ZNF148: variants seen among roughly 807,000 people sequenced by gnomAD.
ZNF148 encodes the protein zinc finger protein 148.
Under a neutral mutation model 67.7 loss-of-function variants are expected in ZNF148, and 7 were observed. The ratio of observed to expected loss-of-function variants is 0.10; its 90% CI spans 0.06 to 0.19. ZNF148 has a LOEUF of 0.19. Among genes scored for constraint, ZNF148 ranks in the 10% least tolerant of loss-of-function variants. The pLI is 1.00. For missense variants in ZNF148, 583 were observed against 947.1 expected (o/e 0.62, Z 5.05); for synonymous variants, 333 against 330.7 (o/e 1.01, Z -0.08).
In ZNF148 at chr3:125,233,249, T is replaced by C; in HGVS notation, c.1477A>G (p.Thr493Ala). 6 of 1,613,898 alleles carry C rather than the reference T, an allele frequency of 3.7e-6. No homozygotes were observed. The highest frequency in any genetic ancestry group is 5.1e-6 in the Non-Finnish European group (6 of 1,179,902). ...GTTACAGAAGGCTGAGAAGCTATGG[T>C]ACCCACATTCAGCGCATATTCCCTG... ...NSREYALNVG[T>A]IASQPSVTQA... The change falls in exon 9 of 9, where the codon ACC becomes GCC. Residue 493 changes from threonine to alanine, a missense_variant. Transcript: ENST00000360647. The surrounding 1 kb of genome is among the most constrained non-coding windows in gnomAD (Gnocchi z 5.1).
At chr3:125,268,532 C>T (rs1177557144) in intron 7 of ZNF148, among the ~76,000 whole-genome samples, 1 of 152,126 alleles carries the variant, frequency 6.6e-6, no homozygotes, top group Non-Finnish European at 1.5e-5. Context: ...GGACTTCTAC[C>T]TATCACCATA....
chr3:125,297,423 GA>G (rs1268344749), intron 4 of ZNF148, among the ~76,000 whole-genome samples: 1 of 145,464 alleles, frequency 6.9e-6, no homozygotes, highest in East Asian at 1.9e-4. Context: ...ATACCAAAAG[GA>G]AAAGACTTAT....
At chr3:125,359,690 A>T (rs926843331) in intron 1 of ZNF148, among the ~76,000 whole-genome samples, 1 of 152,210 alleles carries the variant, frequency 6.6e-6, no homozygotes, top group East Asian at 1.9e-4. Flanking sequence ...TGTCTCTATC[A>T]CTGACAATAT....
intron 7 of ZNF148, among the ~76,000 whole-genome samples, chr3:125,239,470 A>T (rs1463221369): frequency 6.6e-6 from 1 of 152,168 alleles, no homozygotes; most frequent in Non-Finnish European, 1.5e-5. Flanking sequence ...AAACCACAAG[A>T]TTTCACTTGA....
At chr3:125,292,860 G>A (rs1406505523) in intron 4 of ZNF148, 1 of 152,142 alleles carries the variant, frequency 6.6e-6, no homozygotes, top group Non-Finnish European at 1.5e-5. Flanking sequence ...AAAGTATACA[G>A]TGGCATTTTA....
chr3:125,239,115 G>C (rs114421195), intron 7 of ZNF148, among the ~76,000 whole-genome samples: 4 of 152,202 alleles, frequency 2.6e-5, no homozygotes, highest in Non-Finnish European at 4.4e-5. Context: ...GAGGGGAAAA[G>C]AGAGTTATTG....
At chr3:125,323,258 T>C (rs532678442) in intron 3 of ZNF148, 51 bp downstream of exon 3, 11 of 497,420 alleles carry the variant, frequency 2.2e-5, no homozygotes, top group South Asian at 3.5e-5. Flanking sequence ...TGACTTCATA[T>C]TTGAAAAAAC....
chr3:125,295,669 A>T (rs899932778), intron 4 of ZNF148, among the ~76,000 whole-genome samples: 2 of 152,168 alleles, frequency 1.3e-5, no homozygotes, highest in African/African-American at 2.4e-5. Context: ...TAAAATTGGG[A>T]TCATGCCGAA....
In ZNF148 at chr3:125,313,643, T is replaced by C. The variant is rs1176432422; in HGVS notation, c.-3A>G. 6.2e-7 allele frequency: 1 copy of C among 1,608,456 alleles called. No homozygotes were observed. Among genetic ancestry groups the C allele is most frequent in the African/African-American group, 1.3e-5 (1 of 74,846 alleles). On this transcript the variant is annotated 5_prime_UTR_variant, in exon 4 of 9. Coordinates refer to ENST00000360647, the MANE Select transcript of ZNF148 (RefSeq NM_021964.3). ...TCCAGTTTGTCGTCAATGTTCATGC[T>C]TAAGTATAACTGCCTAGAAAACCAA...
chr3:125,372,057 C>A lies in ZNF148; in HGVS notation c.-234+3045G>T, dbSNP rs1942908983. Among the ~76,000 whole-genome samples, 3 of 98,268 alleles carry A rather than the reference C, an allele frequency of 3.1e-5. No individual in the cohort carries two copies. The South Asian group carries it at 9.4e-4, about 31-fold the overall frequency. 64.5% of individuals were successfully genotyped at this position (98,268 alleles called of 152,430 possible). Reference sequence around the variant, plus strand: ...CTAGCCTGGGTGACAGAGCGAGACTCCGTCTCAAAAAAAAAAAAAAAAAAA... The same window carrying A: ...CTAGCCTGGGTGACAGAGCGAGACTACGTCTCAAAAAAAAAAAAAAAAAAA... On this transcript the variant is annotated intron_variant, in intron 1 of 8. Transcript: ENST00000360647.
intron 7 of ZNF148, among the ~76,000 whole-genome samples, chr3:125,256,602 G>C (rs1022800990): frequency 6.6e-6 from 1 of 152,172 alleles, no homozygotes; most frequent in Non-Finnish European, 1.5e-5. Context: ...CTTGAACCCA[G>C]GAGGCAGTGG....
At chr3:125,261,497 T>C (rs1185210948) in intron 7 of ZNF148, among the ~76,000 whole-genome samples, 2 of 152,138 alleles carry the variant, frequency 1.3e-5, no homozygotes, top group African/African-American at 2.4e-5. Flanking sequence ...GTAGTGAATA[T>C]GATAAATGTT....
Position 125,233,328 on chromosome 3 carries a change from A to G in ZNF148, c.1398T>C (p.Asp466=), listed in dbSNP as rs368129389. ...GCTTCTTCTTCAAAAACTGCATGGC[A>G]TCATCATAATTAGTACTACTATGCA... ...KPVHSSTNYD[D]AMQFLKKKRY... The change falls in exon 9 of 9, where the codon GAT becomes GAC. Residue 466 remains aspartate (D), a synonymous_variant. Coordinates refer to ENST00000360647, the MANE Select transcript of ZNF148 (RefSeq NM_021964.3). This position sits in a 1 kb window ranked among gnomAD's most constrained non-coding sequence, Gnocchi z 5.1. 3.1e-6 allele frequency: 5 copies of G among 1,613,988 alleles called. No individual in the cohort carries two copies. Among genetic ancestry groups the G allele is most frequent in the Non-Finnish European group, 3.4e-6 (4 of 1,179,922 alleles).
rs376001476 is a variant in ZNF148 at position 125,290,098 on chromosome 3, C to T, written c.334-1870G>A. On this transcript the variant is annotated intron_variant, in intron 4 of 8. Transcript: ENST00000360647. Reference sequence around the variant, plus strand: ...TTCTTCAGATTTGACTAAACTCAGACATTTCTCCTAAAACTCTAAAGCCCC... The same window carrying T: ...TTCTTCAGATTTGACTAAACTCAGATATTTCTCCTAAAACTCTAAAGCCCC... Among the ~76,000 whole-genome samples the T allele has an allele frequency of 2.6e-5, 4 of 152,296 alleles. No homozygotes were observed. The East Asian group carries it at 7.7e-4, about 29-fold the overall frequency.
intron 1 of ZNF148, among the ~76,000 whole-genome samples, chr3:125,365,219 T>C (rs1942665075): frequency 6.6e-6 from 1 of 152,148 alleles, no homozygotes; most frequent in Admixed American, 6.5e-5. Flanking sequence ...TATAAAAATA[T>C]ACCCTGAATG....
intron 5 of ZNF148, among the ~76,000 whole-genome samples, chr3:125,285,263 C>T (rs2107619330): frequency 6.6e-6 from 1 of 152,208 alleles, no homozygotes; most frequent in Middle Eastern, 3.4e-3. Context: ...GAATTTAAAA[C>T]AAGTAACACT....
At position 125,226,066 on chromosome 3, in the gene ZNF148, T is replaced by C. The variant is rs1425296783; in HGVS notation, c.*6275A>G. 1 of 152,614 alleles carries C rather than the reference T, an allele frequency of 6.6e-6. No homozygotes were observed. Among genetic ancestry groups the C allele is most frequent in the Non-Finnish European group, 1.5e-5 (1 of 68,024 alleles). The allele number at this position is 152,614 out of a possible 1,614,324, so 9.5% of individuals were successfully genotyped here. A position where few individuals can be genotyped will look rare whatever the true frequency, so the allele number is the denominator to read the frequency against. ...AAAGAAATCCCACGTATGCTGACAG[T>C]GGGTTAACAGAGTCTTATCTGTAAA... is the stretch of plus-strand genomic sequence containing the variant. On this transcript the variant is annotated 3_prime_UTR_variant, in exon 9 of 9. Transcript: ENST00000360647.
chr3:125,258,368 T>A (rs1177330071), intron 7 of ZNF148, among the ~76,000 whole-genome samples: 1 of 131,326 alleles, frequency 7.6e-6, no homozygotes, highest in Non-Finnish European at 1.5e-5. Flanking sequence ...GAGCTTGCAG[T>A]GAGCCGAGAT....
chr3:125,290,340 C>T (rs939895869), intron 4 of ZNF148, among the ~76,000 whole-genome samples: 3 of 152,082 alleles, frequency 2.0e-5, no homozygotes, highest in Non-Finnish European at 4.4e-5. Flanking sequence ...CTTAATTACC[C>T]TTTTTCTCAT....
Sources: allele counts gnomAD v4.1 joint callset (sites outside exome capture counted in the v4.1 genomes callset), GRCh38; gene constraint gnomAD v4.1.1; non-coding constraint Gnocchi (gnomAD v3.1); transcripts MANE v1.5; gene names NCBI Gene and HGNC (gene_info 2026-07-23, HGNC 2026-07-21).